The following CEP63 variants were observed in gnomAD, a reference collection of about 807,000 sequenced individuals.
CEP63 encodes centrosomal protein 63.
Under a neutral mutation model 89.1 loss-of-function variants are expected in CEP63, and 84 were observed. That is an observed-to-expected ratio of 0.94 (90% CI 0.79 to 1.13). The LOEUF (loss-of-function observed/expected upper bound fraction) is 1.13. Among genes scored for constraint, CEP63 ranks in the 50% most tolerant of loss-of-function variants. The pLI, the probability that CEP63 is intolerant of heterozygous loss-of-function variation, is 0.00. For missense variants in CEP63, 838 were observed against 813.3 expected, an observed-to-expected ratio of 1.03 and a Z score of -0.37; for synonymous variants, 267 against 272.5, an observed-to-expected ratio of 0.98 and a Z score of 0.20.
rs570930414 is a variant in CEP63 at position 134,563,999 on chromosome 3, T to C, written c.*2464T>C. On this transcript the variant is annotated 3_prime_UTR_variant, in exon 15 of 15. Coordinates refer to ENST00000675561, the MANE Select transcript of CEP63 (RefSeq NM_001353108.3). ...CATCCTCTCCTGAGCAAGCCTTCTTTGATTGCTGCCTCCCAAACCTGTTTC... is the reference window on the plus strand; with the variant it reads ...CATCCTCTCCTGAGCAAGCCTTCTTCGATTGCTGCCTCCCAAACCTGTTTC... 2.6e-5 allele frequency: 4 copies of C among 152,590 alleles called. No homozygotes were observed. The highest frequency in any genetic ancestry group is 9.6e-5 in the African/African-American group (4 of 41,470). The allele number at this position is 152,590 out of a possible 1,614,324, so 9.5% of individuals were successfully genotyped here.
chr3:134,589,599 A>AAAAC (rs1958558722), downstream of CEP63, among the ~76,000 whole-genome samples: 2 of 151,374 alleles, frequency 1.3e-5, no homozygotes, highest in African/African-American at 4.9e-5. Context: ...CAAAAAAAAA[A>AAAAC]CATATTGGCA....
intron 2 of CEP63, among the ~76,000 whole-genome samples, chr3:134,503,158 A>G (rs1199850518): frequency 8.1e-6 from 1 of 123,078 alleles, no homozygotes; most frequent in East Asian, 2.4e-4. Context: ...CTATTGCTAT[A>G]AACACTCCTC....
the CEP63 span, among the ~76,000 whole-genome samples, chr3:134,731,448 C>A: frequency 7.2e-5 from 11 of 152,152 alleles, 1 homozygote; most frequent in Admixed American, 2.0e-4. Flanking sequence ...GAGAAATAAA[C>A]AAACAAAATA....
the CEP63 span, among the ~76,000 whole-genome samples, chr3:134,763,311 A>G: frequency 6.6e-6 from 1 of 151,792 alleles, no homozygotes; most frequent in East Asian, 1.9e-4. Flanking sequence ...ATTCCCACCT[A>G]TGAAGGAATT....
chr3:134,671,184 G>C, the CEP63 span, among the ~76,000 whole-genome samples: 1 of 152,190 alleles, frequency 6.6e-6, no homozygotes, highest in Non-Finnish European at 1.5e-5. Flanking sequence ...GTCCTTTGCA[G>C]CAACATGGAT....
the CEP63 span, among the ~76,000 whole-genome samples, chr3:134,681,277 G>T: frequency 2.0e-5 from 3 of 152,284 alleles, no homozygotes; most frequent in East Asian, 5.8e-4. Context: ...AGTGAGGGAC[G>T]GTTGCCTGGC....
the CEP63 span, among the ~76,000 whole-genome samples, chr3:134,743,957 C>A: frequency 1.3e-5 from 2 of 152,140 alleles, no homozygotes; most frequent in South Asian, 2.1e-4. Flanking sequence ...GAAGGCAGAG[C>A]ACAGAAGTCA....
At chr3:134,747,188 C>G in the CEP63 span, among the ~76,000 whole-genome samples, 1 of 152,132 alleles carries the variant, frequency 6.6e-6, no homozygotes, top group South Asian at 2.1e-4. Context: ...GACTCCTTTC[C>G]CCATTTCTTG....
chr3:134,495,671 A>G (rs1347629605), intron 2 of CEP63, among the ~76,000 whole-genome samples: 1 of 152,194 alleles, frequency 6.6e-6, no homozygotes, highest in Admixed American at 6.5e-5. Flanking sequence ...GCTATTTAAC[A>G]CTAGAGCTTA....
chr3:134,534,391 A>G (rs987245887), intron 5 of CEP63, among the ~76,000 whole-genome samples: 19 of 152,274 alleles, frequency 1.2e-4, no homozygotes, highest in Non-Finnish European at 2.4e-4. Flanking sequence ...CAAGCATTCA[A>G]TTATCAGACT....
the CEP63 span, among the ~76,000 whole-genome samples, chr3:134,774,358 A>G: frequency 6.6e-6 from 1 of 152,230 alleles, no homozygotes; most frequent in Non-Finnish European, 1.5e-5. Context: ...ACTCAAGGCA[A>G]TACAATGGCA....
At chr3:134,615,026 A>C in the CEP63 span, among the ~76,000 whole-genome samples, 4 of 152,180 alleles carry the variant, frequency 2.6e-5, no homozygotes, top group Admixed American at 6.5e-5. Flanking sequence ...AGCAGGACAA[A>C]CAAACCATGA....
At chr3:134,617,151 T>C in the CEP63 span, among the ~76,000 whole-genome samples, 54,556 of 152,094 alleles carry the variant, frequency 0.36, 10,211 homozygotes, top group African/African-American at 0.41. Context: ...TGGCATTCCT[T>C]CTACAGTATG....
intron 6 of CEP63, among the ~76,000 whole-genome samples, 191 bp from the exon 7 acceptor site, chr3:134,545,395 G>T (rs1458815136): frequency 2.0e-5 from 3 of 151,988 alleles, no homozygotes; most frequent in Non-Finnish European, 4.4e-5. Context: ...CTCCCATAGT[G>T]TTAGGATTAC....
the CEP63 span, chr3:134,647,513 C>A: frequency 6.3e-7 from 1 of 1,576,254 alleles, no homozygotes; most frequent in Non-Finnish European, 8.7e-7. Flanking sequence ...AAATAACAAG[C>A]TTCTCTGAGG....
chr3:134,709,184 A>G, the CEP63 span, among the ~76,000 whole-genome samples: 10 of 152,122 alleles, frequency 6.6e-5, no homozygotes, highest in Non-Finnish European at 1.0e-4. Context: ...AGGCCGAGGA[A>G]GAGGAACATT....
chr3:134,644,103 G>T, the CEP63 span, among the ~76,000 whole-genome samples: 4 of 152,174 alleles, frequency 2.6e-5, no homozygotes, highest in African/African-American at 9.7e-5. Context: ...GGGATTATAG[G>T]CGTGAGCCAC....
intron 9 of CEP63, among the ~76,000 whole-genome samples, chr3:134,548,331 A>C (rs1422051177): frequency 6.6e-6 from 1 of 152,188 alleles, no homozygotes; most frequent in Non-Finnish European, 1.5e-5. Context: ...AAGGGGTAAC[A>C]GTTGACACAT....
At chr3:134,681,260 A>T in the CEP63 span, among the ~76,000 whole-genome samples, 2 of 152,152 alleles carry the variant, frequency 1.3e-5, no homozygotes, top group African/African-American at 4.8e-5. Flanking sequence ...CATATTGTAA[A>T]CTGTGAAGTG....
Sources: allele counts gnomAD v4.1 joint callset (sites outside exome capture counted in the v4.1 genomes callset), GRCh38; gene constraint gnomAD v4.1.1; transcripts MANE v1.5; gene names NCBI Gene and HGNC (gene_info 2026-07-23, HGNC 2026-07-21).